PRR23E: variants seen among roughly 807,000 people sequenced by gnomAD.
PRR23E encodes the protein PRR23 family member E.
the PRR23E span, chr3:127,197,157 T>G: frequency 1.9e-5 from 30 of 1,592,960 alleles, no homozygotes; most frequent in Non-Finnish European, 2.6e-5. Context: ...CCAGGTGGGA[T>G]GCTGGACTCC....
the PRR23E span, among the ~76,000 whole-genome samples, chr3:127,194,160 A>G: frequency 6.6e-6 from 1 of 152,274 alleles, no homozygotes; most frequent in South Asian, 2.1e-4. Flanking sequence ...TCTTGGTATC[A>G]TGCACAAAGG....
the PRR23E span, chr3:127,196,731 C>T: frequency 3.8e-6 from 6 of 1,594,278 alleles, no homozygotes; most frequent in East Asian, 9.0e-5. Context: ...GAAGGTCCGC[C>T]GTGCCTTCGA....
the PRR23E span, among the ~76,000 whole-genome samples, chr3:127,194,403 C>T: frequency 1.3e-5 from 2 of 152,198 alleles, no homozygotes; most frequent in Admixed American, 6.5e-5. Context: ...ATATTCAAAG[C>T]CGTCCTGTGC....
At chr3:127,196,590 G>A in the PRR23E span, 9 of 1,447,942 alleles carry the variant, frequency 6.2e-6, no homozygotes, top group Non-Finnish European at 7.3e-6. Flanking sequence ...TCACCCCACA[G>A]ATACCAGGAG....
the PRR23E span, among the ~76,000 whole-genome samples, chr3:127,195,298 C>T: frequency 1.4e-4 from 22 of 152,242 alleles, no homozygotes; most frequent in East Asian, 9.7e-4. Context: ...TTTCCCGGGC[C>T]GGTTTCTTCC....
At chr3:127,194,345 C>T in the PRR23E span, among the ~76,000 whole-genome samples, 1 of 152,006 alleles carries the variant, frequency 6.6e-6, no homozygotes, top group Non-Finnish European at 1.5e-5. Context: ...AAAAAAAAAT[C>T]ATTAAAAAAT....
At chr3:127,197,134 C>G in the PRR23E span, 1 of 1,596,914 alleles carries the variant, frequency 6.3e-7, no homozygotes, top group Non-Finnish European at 8.5e-7. Context: ...GGGGCCACCT[C>G]CAGCCACTGT....
At chr3:127,194,613 C>T in the PRR23E span, among the ~76,000 whole-genome samples, 14 of 152,282 alleles carry the variant, frequency 9.2e-5, no homozygotes, top group South Asian at 8.3e-4. Context: ...CAGTGCATTT[C>T]GGTTTCCTCC....
chr3:127,196,939 G>A, the PRR23E span: 1 of 1,599,424 alleles, frequency 6.3e-7, no homozygotes, highest in South Asian at 1.1e-5. Context: ...CTCTATGGTG[G>A]GTATCTCTGG....
chr3:127,197,176 C>T, the PRR23E span: 2 of 1,591,088 alleles, frequency 1.3e-6, no homozygotes, highest in African/African-American at 2.7e-5. Context: ...CCAGCCAGCT[C>T]AGCCCCCAGG....
chr3:127,196,606 T>A, the PRR23E span: 1 of 1,464,306 alleles, frequency 6.8e-7, no homozygotes, highest in Non-Finnish European at 9.0e-7. Context: ...AGGAGCCCCG[T>A]GAGGTGCGTG....
the PRR23E span, chr3:127,196,906 C>A: frequency 6.9e-6 from 11 of 1,599,346 alleles, no homozygotes; most frequent in East Asian, 2.0e-4. Flanking sequence ...GCTTACCCAG[C>A]CTTCTGGGCT....
the PRR23E span, chr3:127,197,124 G>A: frequency 2.6e-5 from 41 of 1,597,752 alleles, no homozygotes; most frequent in African/African-American, 3.6e-4. Flanking sequence ...CACTCTGGGC[G>A]GGGCCACCTC....
At chr3:127,197,039 G>A in the PRR23E span, 80 of 1,594,600 alleles carry the variant, frequency 5.0e-5, no homozygotes, top group Middle Eastern at 1.7e-4. Context: ...TAGGAAGTCC[G>A]TATCTGGCTG....
At chr3:127,196,928 G>A in the PRR23E span, 1 of 1,599,452 alleles carries the variant, frequency 6.3e-7, no homozygotes, top group Non-Finnish European at 8.5e-7. Context: ...ACCCGTGGGT[G>A]CTCTATGGTG....
At chr3:127,197,310 C>T in the PRR23E span, 2 of 1,598,938 alleles carry the variant, frequency 1.3e-6, no homozygotes, top group Non-Finnish European at 1.7e-6. Flanking sequence ...AGAGCTCCGC[C>T]CTCTGCCCCC....
At chr3:127,197,388 G>T in the PRR23E span, 1 of 1,549,182 alleles carries the variant, frequency 6.5e-7, no homozygotes, top group Non-Finnish European at 8.7e-7. Flanking sequence ...ACCCTGCAGG[G>T]CCCGCCGCCG....
the PRR23E span, chr3:127,197,523 T>G: frequency 1.1e-6 from 1 of 934,086 alleles, no homozygotes; most frequent in South Asian, 2.0e-5. Flanking sequence ...GGTTGTTTAC[T>G]ATTCTTCAGT....
At chr3:127,196,837 C>T in the PRR23E span, 1 of 1,599,190 alleles carries the variant, frequency 6.3e-7, no homozygotes, top group East Asian at 2.2e-5. Flanking sequence ...GGAGCCCAGC[C>T]TGTAACTGAC....
Sources: gnomAD v4.1 joint callset for allele counts (sites outside exome capture counted in the v4.1 genomes callset) on GRCh38, gnomAD v4.1.1 for gene constraint, MANE v1.5 for transcripts, NCBI Gene and HGNC (gene_info 2026-07-23, HGNC 2026-07-21) for gene names.